The following CCDC7 variants were observed in gnomAD, a reference collection of about 807,000 sequenced individuals.
CCDC7 encodes the protein coiled-coil domain-containing protein 7.
A neutral mutation model predicts 196.9 loss-of-function variants in CCDC7; 183 were observed. The ratio of observed to expected loss-of-function variants is 0.93; its 90% CI spans 0.82 to 1.05. The LOEUF is 1.05. CCDC7 is among the 50% of genes least tolerant of loss of function. CCDC7 has a pLI of 0.00. For missense variants in CCDC7, 1,540 were observed against 1,482.2 expected, an observed-to-expected ratio of 1.04 and a Z score of -0.64; for synonymous variants, 525 against 484.6, an observed-to-expected ratio of 1.08 and a Z score of -1.10.
At chr10:32,829,520 A>G (rs558028493) in intron 32 of CCDC7, among the ~76,000 whole-genome samples, 1 of 152,310 alleles carries the variant, frequency 6.6e-6, no homozygotes, top group African/African-American at 2.4e-5. Context: ...TTGACTTCAT[A>G]TCAGCATTTA....
upstream of CCDC7, among the ~76,000 whole-genome samples, chr10:32,445,118 G>A (rs1299531887): frequency 6.6e-6 from 1 of 152,178 alleles, no homozygotes; most frequent in Non-Finnish European, 1.5e-5. Flanking sequence ...CTCCCAAAGT[G>A]CTGGGATTAC....
At chr10:32,804,774 G>A (rs1445862898) in intron 29 of CCDC7, among the ~76,000 whole-genome samples, 1 of 152,118 alleles carries the variant, frequency 6.6e-6, no homozygotes, top group Non-Finnish European at 1.5e-5. Flanking sequence ...ACCTCGATAT[G>A]TGGTCTTGGT....
intron 28 of CCDC7, among the ~76,000 whole-genome samples, chr10:32,729,872 T>C (rs1224087944): frequency 6.6e-6 from 1 of 152,212 alleles, no homozygotes; most frequent in African/African-American, 2.4e-5. Flanking sequence ...CCACAAACTT[T>C]CTTCCAGTTG....
chr10:32,805,122 A>G (rs2085560633), intron 30 of CCDC7, 24 bp downstream of exon 31: 1 of 1,497,172 alleles, frequency 6.7e-7, no homozygotes, highest in Admixed American at 1.7e-5. Flanking sequence ...TTTAAGTCTA[A>G]TATTTCTCAT....
intron 21 of CCDC7, among the ~76,000 whole-genome samples, chr10:32,670,966 C>A (rs1210721857): frequency 1.3e-5 from 2 of 151,772 alleles, no homozygotes; most frequent in South Asian, 2.1e-4. Flanking sequence ...TACAATTGTA[C>A]AGTGTGTTTG....
intron 20 of CCDC7, among the ~76,000 whole-genome samples, chr10:32,636,519 G>A (rs2065670959): frequency 6.6e-6 from 1 of 152,080 alleles, no homozygotes; most frequent in Non-Finnish European, 1.5e-5. Flanking sequence ...GAGAATGATG[G>A]TTTCCAGCTT....
chr10:32,476,996 T>A (rs993276322), intron 8 of CCDC7, among the ~76,000 whole-genome samples: 3 of 152,192 alleles, frequency 2.0e-5, no homozygotes, highest in Non-Finnish European at 4.4e-5. Context: ...ATTCTCTCAG[T>A]CTGTGGCTTA....
chr10:32,699,314 T>C (rs899885694), intron 24 of CCDC7, among the ~76,000 whole-genome samples: 3 of 151,200 alleles, frequency 2.0e-5, no homozygotes, highest in African/African-American at 7.3e-5. Flanking sequence ...TTTGGTTTTT[T>C]GTCCTTGCCA....
In CCDC7 at chr10:32,642,942, A is replaced by C. The variant is rs1473397432; in HGVS notation, c.2014+7784A>C. 2.0e-5 allele frequency among the ~76,000 whole-genome samples: 3 copies of C among 152,356 alleles called. No homozygotes were observed. The East Asian group carries it at 5.8e-4, about 29-fold the overall frequency. ...TAAATGTAATGATGAATATTATTAA[A>C]TTATTTTAAATTAAAGTTAACTTTG... On this transcript the variant is annotated intron_variant, in intron 20 of 41. Coordinates refer to ENST00000639629, the Ensembl canonical transcript of CCDC7.
At chr10:32,597,149 C>G (rs1402415111) in intron 18 of CCDC7, among the ~76,000 whole-genome samples, 1 of 152,198 alleles carries the variant, frequency 6.6e-6, no homozygotes, top group Non-Finnish European at 1.5e-5. Flanking sequence ...CTCCCTGTTA[C>G]TTTCAGGTAC....
At chr10:32,789,667 G>A (rs1279769443) in intron 29 of CCDC7, among the ~76,000 whole-genome samples, 1 of 152,178 alleles carries the variant, frequency 6.6e-6, no homozygotes, top group Admixed American at 6.5e-5. Flanking sequence ...AGTGTTCAGA[G>A]GTGGAGCCTT....
intron 28 of CCDC7, among the ~76,000 whole-genome samples, chr10:32,763,541 T>C (rs565982261): frequency 1.3e-5 from 2 of 152,088 alleles, no homozygotes; most frequent in South Asian, 4.1e-4. Flanking sequence ...CCCGTGTCCA[T>C]GTAACAGTAC....
intron 1 of CCDC7, 161 bp downstream of exon 1, chr10:32,446,558 C>T (rs982552855): frequency 6.6e-6 from 1 of 152,148 alleles, no homozygotes; most frequent in African/African-American, 2.4e-5. Flanking sequence ...ATCATCCTTT[C>T]CCTACGTCCC....
At chr10:32,837,839 A>G (rs927912230) in intron 33 of CCDC7, among the ~76,000 whole-genome samples, 3 of 148,208 alleles carry the variant, frequency 2.0e-5, no homozygotes, top group Non-Finnish European at 4.5e-5. Context: ...AGTACCAAAC[A>G]CCGCATGTTC....
intron 2 of CCDC7, 80 bp downstream of exon 3, chr10:32,453,516 A>G: frequency 1.0e-6 from 1 of 993,514 alleles, no homozygotes. Flanking sequence ...AATTTAAAAT[A>G]TTTTCTTTTG....
exon 33 of CCDC7, chr10:32,834,896 G>T (rs4448627): frequency 1.5e-6 from 2 of 1,374,058 alleles, no homozygotes; most frequent in Non-Finnish European, 2.0e-6. Flanking sequence ...AAGAGTCATG[G>T]AGGTAAGAAC....
At chr10:32,615,767 T>A (rs11008998) in intron 18 of CCDC7, among the ~76,000 whole-genome samples, 5,669 of 152,150 alleles carry the variant, frequency 0.037, 144 homozygotes, top group Non-Finnish European at 0.05. Flanking sequence ...TCCAGAAGAG[T>A]TTTTCCTAGG....
intron 18 of CCDC7, among the ~76,000 whole-genome samples, chr10:32,586,994 G>GT (rs1371812571): frequency 2.0e-5 from 3 of 152,088 alleles, no homozygotes; most frequent in African/African-American, 7.2e-5. Context: ...ATCTAAAGAC[G>GT]TTTTCTTTTA....
intron 28 of CCDC7, among the ~76,000 whole-genome samples, chr10:32,736,375 G>A (rs944774721): frequency 6.6e-6 from 1 of 151,682 alleles, no homozygotes; most frequent in Non-Finnish European, 1.5e-5. Flanking sequence ...TTTTTTTGTG[G>A]TTAATATTTT....
Sources: gnomAD v4.1 joint callset for allele counts (sites outside exome capture counted in the v4.1 genomes callset) on GRCh38, gnomAD v4.1.1 for gene constraint, MANE v1.5 for transcripts, NCBI Gene and HGNC (gene_info 2026-07-23, HGNC 2026-07-21) for gene names.